The following COBL variants were observed in gnomAD, a reference collection of about 807,000 sequenced individuals.
COBL encodes the protein cordon-bleu WH2 repeat protein.
A neutral mutation model predicts 98.8 loss-of-function variants in COBL; 51 were observed. That is an observed-to-expected ratio of 0.52 (90% CI 0.41 to 0.65). COBL has a LOEUF of 0.65. Ranked by LOEUF, COBL falls within the 30% of genes least tolerant of loss-of-function variation. COBL has a pLI of 0.00. For synonymous variants in COBL, 634 were observed against 651.7 expected, an observed-to-expected ratio of 0.97 and a Z score of 0.41; for missense variants, 1,617 against 1,617.5, an observed-to-expected ratio of 1.00 and a Z score of 0.01.
At position 51,128,575 on chromosome 7, in the gene COBL, A is replaced by G. The variant is rs143891959; in HGVS notation, c.957+7583T>C. On this transcript the variant is annotated intron_variant, in intron 6 of 12. Coordinates refer to ENST00000265136, the MANE Select transcript of COBL (RefSeq NM_015198.5). ...TGAAGAATCCTCCCACCTTATCTTC[A>G]TATTTTGTGTGGCCATTGCACCCAT... Among the ~76,000 whole-genome samples the G allele has an allele frequency of 4.5e-3, 685 of 152,330 alleles. 3 individuals are homozygous for G. Among genetic ancestry groups the G allele is most frequent in the African/African-American group, 0.016 (653 of 41,572 alleles).
intron 6 of COBL, among the ~76,000 whole-genome samples, chr7:51,119,040 T>C (rs534955484): frequency 6.6e-6 from 1 of 152,304 alleles, no homozygotes; most frequent in South Asian, 2.1e-4. Context: ...ACAATTAAAG[T>C]CACCAGAGAT....
intron 8 of COBL, among the ~76,000 whole-genome samples, chr7:51,040,015 C>T (rs891898049): frequency 1.3e-5 from 2 of 152,172 alleles, no homozygotes; most frequent in South Asian, 4.2e-4. Context: ...CCCTCAACCT[C>T]GCCTAACCCC....
chr7:51,033,349 A>T (rs995291125), intron 8 of COBL: 1 of 152,268 alleles, frequency 6.6e-6, no homozygotes, highest in African/African-American at 2.4e-5. Flanking sequence ...TATAAATACA[A>T]CAAAGTTCAT....
chr7:51,296,712 GGGA>G (rs1801447859), intron 1 of COBL, among the ~76,000 whole-genome samples: 1 of 152,158 alleles, frequency 6.6e-6, no homozygotes, highest in African/African-American at 2.4e-5. Context: ...ATTACTCACA[GGGA>G]GGTGCTAAGT....
intron 1 of COBL, among the ~76,000 whole-genome samples, chr7:51,260,409 C>T (rs1462490314): frequency 2.0e-5 from 3 of 152,150 alleles, no homozygotes; most frequent in Non-Finnish European, 4.4e-5. Flanking sequence ...ATTTATCTTC[C>T]ATGGGTCAGT....
chr7:51,066,453 A>G (rs2128917652), intron 7 of COBL, among the ~76,000 whole-genome samples: 1 of 152,320 alleles, frequency 6.6e-6, no homozygotes, highest in African/African-American at 2.4e-5. Flanking sequence ...GAGGAGGGAT[A>G]TGGAAGTTAA....
At chr7:51,186,608 C>T (rs1195294383) in intron 4 of COBL, among the ~76,000 whole-genome samples, 1 of 152,216 alleles carries the variant, frequency 6.6e-6, no homozygotes, top group Non-Finnish European at 1.5e-5. Flanking sequence ...GCCCCGGCAC[C>T]AGAATGCCCC....
chr7:51,080,241 C>T (rs1793505905), intron 7 of COBL, among the ~76,000 whole-genome samples: 2 of 152,208 alleles, frequency 1.3e-5, no homozygotes, highest in South Asian at 4.1e-4. Flanking sequence ...TCTCCTCACC[C>T]TCTTAAATCT....
rs754147478 is a variant in COBL at position 51,287,505 on chromosome 7, T to C, written c.41+29088A>G. 2.0e-5 allele frequency among the ~76,000 whole-genome samples: 3 copies of C among 152,214 alleles called. 1 individual carries two copies. The South Asian group carries it at 6.2e-4, about 31-fold the overall frequency. On this transcript the variant is annotated intron_variant, in intron 1 of 12. Transcript: ENST00000265136. ...AAGTGCTGGTGAGGATACAAAGCAA[T>C]TGGAGCTCTCATGCACTGCTGGTGG...
chr7:51,157,823 G>A (rs537739846), intron 5 of COBL, among the ~76,000 whole-genome samples: 1 of 152,306 alleles, frequency 6.6e-6, no homozygotes, highest in African/African-American at 2.4e-5. Context: ...ATATAAGTAT[G>A]TGAGGTCATG....
intron 1 of COBL, among the ~76,000 whole-genome samples, chr7:51,280,548 G>A (rs1255295918): frequency 6.6e-6 from 1 of 152,228 alleles, no homozygotes; most frequent in Middle Eastern, 3.2e-3. Context: ...TGCCCCGTCT[G>A]TAGGTGCAGT....
chr7:51,269,224 C>T (rs1250474734), intron 1 of COBL, among the ~76,000 whole-genome samples: 1 of 152,170 alleles, frequency 6.6e-6, no homozygotes, highest in African/African-American at 2.4e-5. Context: ...TACAAAAGCC[C>T]ATGTGTTGGG....
chr7:51,037,212 CA>C (rs1206826621), intron 8 of COBL, among the ~76,000 whole-genome samples: 1 of 152,196 alleles, frequency 6.6e-6, no homozygotes, highest in African/African-American at 2.4e-5. Context: ...CCTAGCAAAT[CA>C]AATTTCTCCC....
chr7:51,135,637 A>G (rs990084315), intron 6 of COBL, among the ~76,000 whole-genome samples: 2 of 152,202 alleles, frequency 1.3e-5, no homozygotes, highest in African/African-American at 4.8e-5. Flanking sequence ...AATGAGCAAA[A>G]AGGGGCTTTG....
chr7:51,280,249 C>T (rs1189687236), intron 1 of COBL, among the ~76,000 whole-genome samples: 1 of 152,064 alleles, frequency 6.6e-6, no homozygotes, highest in Non-Finnish European at 1.5e-5. Context: ...GAGAGAGCTA[C>T]AAGAGAAACC....
chr7:51,260,846 G>A (rs2129147878), intron 1 of COBL, among the ~76,000 whole-genome samples: 1 of 152,274 alleles, frequency 6.6e-6, no homozygotes, highest in Admixed American at 6.5e-5. Flanking sequence ...ACCCTCAGAG[G>A]ACTCCAGGCA....
chr7:51,141,609 G>A (rs944957793), intron 5 of COBL, among the ~76,000 whole-genome samples: 2 of 151,744 alleles, frequency 1.3e-5, no homozygotes, highest in Non-Finnish European at 2.9e-5. Flanking sequence ...AGACGATGCT[G>A]CCCCCTTTTG....
chr7:51,025,388 T>C lies in COBL; in HGVS notation c.3505-16A>G, dbSNP rs1402086911. On this transcript the variant is annotated splice_polypyrimidine_tract_variant and intron_variant, in intron 11 of 12. Transcript: ENST00000265136. ...AGGATGCCACCTGGCAATGAGATGA[T>C]TAAATGACTGCTATAGAGTGAATGT... The C allele has an allele frequency of 2.5e-6, 4 of 1,612,706 alleles. No homozygotes were observed. Among genetic ancestry groups the C allele is most frequent in the Non-Finnish European group, 3.4e-6 (4 of 1,179,898 alleles).
chr7:51,059,740 C>T (rs1368136385), intron 7 of COBL, among the ~76,000 whole-genome samples: 7 of 152,142 alleles, frequency 4.6e-5, no homozygotes, highest in East Asian at 1.9e-4. Flanking sequence ...CCAGCTACCC[C>T]GCCACTGTTC....
Sources: gnomAD v4.1 joint callset for allele counts (sites outside exome capture counted in the v4.1 genomes callset) on GRCh38, gnomAD v4.1.1 for gene constraint, MANE v1.5 for transcripts, NCBI Gene and HGNC (gene_info 2026-07-23, HGNC 2026-07-21) for gene names.